Variants in PRKCZ observed in about 807,000 individuals in gnomAD.
PRKCZ encodes the protein protein kinase C zeta type.
A neutral mutation model predicts 79.5 loss-of-function variants in PRKCZ; 33 were observed. That is an observed-to-expected ratio of 0.41 (90% CI 0.31 to 0.55). The LOEUF (loss-of-function observed/expected upper bound fraction) is 0.55, where lower values mean the gene tolerates loss of function less well. Ranked by LOEUF, PRKCZ falls within the 20% of genes least tolerant of loss-of-function variation. PRKCZ has a pLI of 0.19. For synonymous variants in PRKCZ, 342 were observed against 320.9 expected, an observed-to-expected ratio of 1.07 and a Z score of -0.70; for missense variants, 578 against 813.5, an observed-to-expected ratio of 0.71 and a Z score of 3.52.
intron 4 of PRKCZ, among the ~76,000 whole-genome samples, chr1:2,123,525 C>T (rs1269940571): frequency 5.1e-4 from 2 of 3,948 alleles, no homozygotes; most frequent in South Asian, 9.4e-3. Context: ...AGGGTCGTGG[C>T]GGTGGTTAGG....
At chr1:2,148,179 CTG>C (rs996793862) in intron 7 of PRKCZ, among the ~76,000 whole-genome samples, 1 of 151,110 alleles carries the variant, frequency 6.6e-6, no homozygotes, top group Non-Finnish European at 1.5e-5. Flanking sequence ...ACCCATCTGT[CTG>C]TTGTCCACTG....
chr1:2,142,639 TG>T lies in PRKCZ; in HGVS notation c.421-1570del, dbSNP rs1312442814. 1.6e-5 allele frequency: 3 copies of T among 192,406 alleles called. No individual in the cohort carries two copies. In the Admixed American group the frequency reaches 1.7e-4, roughly 11 times the overall value. The allele number at this position is 192,406 out of a possible 1,614,324, so 11.9% of individuals were successfully genotyped here. ...TGGTGTGGCTCTGTCATGGCTGGGC[TG>T]ATGTAGGTAGCATGTGCAGAGGATG... On this transcript the variant is annotated intron_variant, in intron 5 of 17. Coordinates refer to ENST00000378567, the MANE Select transcript of PRKCZ (RefSeq NM_002744.6).
chr1:2,154,165 C>T (rs948640126), intron 9 of PRKCZ, among the ~76,000 whole-genome samples: 5 of 152,114 alleles, frequency 3.3e-5, no homozygotes, highest in African/African-American at 1.2e-4. Flanking sequence ...GAGGAGTCAC[C>T]GCCGACCCAC....
Position 2,150,753 on chromosome 1 carries a change from C to T in PRKCZ, c.688-37C>T, listed in dbSNP as rs371510322. 6.2e-5 allele frequency: 99 copies of T among 1,590,484 alleles called. No individual in the cohort carries two copies. The East Asian group carries it at 8.7e-4, about 14-fold the overall frequency. ...GGTCCTCTGAGTCTCCCGGGAACCC[C>T]CCTCTCACTTTCTGGGGTCTTGTTC... On this transcript the variant is annotated intron_variant, in intron 8 of 17. Coordinates refer to ENST00000378567, the MANE Select transcript of PRKCZ (RefSeq NM_002744.6).
chr1:2,181,915 G>T, intron 16 of PRKCZ: 2 of 455,892 alleles, frequency 4.4e-6, no homozygotes, highest in South Asian at 3.1e-5. Flanking sequence ...CACACCACAG[G>T]TGAGCCGTTC....
intron 16 of PRKCZ, chr1:2,184,331 G>T (rs1045635217): frequency 2.4e-6 from 1 of 417,560 alleles, no homozygotes; most frequent in Non-Finnish European, 4.4e-6. Flanking sequence ...GGTGGCTGGG[G>T]ATCCTGCTCC....
At chr1:2,117,909 G>A (rs981952334) in intron 4 of PRKCZ, among the ~76,000 whole-genome samples, 2 of 150,260 alleles carry the variant, frequency 1.3e-5, no homozygotes, top group South Asian at 2.1e-4. Context: ...TGATGAGTTC[G>A]CCTTTTTATA....
chr1:2,050,938 C>T, intron 1 of PRKCZ: 1 of 371,250 alleles, frequency 2.7e-6, no homozygotes, highest in Non-Finnish European at 4.8e-6. Context: ...CCCCGCGCCG[C>T]GAGCTCCTCG....
chr1:2,122,119 TCAC>T (rs1672319966), intron 4 of PRKCZ, among the ~76,000 whole-genome samples: 1 of 66,824 alleles, frequency 1.5e-5, no homozygotes, highest in Non-Finnish European at 2.6e-5. Flanking sequence ...GTGGTTAGGG[TCAC>T]GGTGGTGGTT....
At chr1:2,103,347 A>AG (rs1472040097) in intron 4 of PRKCZ, among the ~76,000 whole-genome samples, 1 of 152,192 alleles carries the variant, frequency 6.6e-6, no homozygotes, top group Non-Finnish European at 1.5e-5. Flanking sequence ...CGCAGTAGTA[A>AG]GGGTTTATTT....
intron 4 of PRKCZ, among the ~76,000 whole-genome samples, chr1:2,113,842 G>A (rs1401876200): frequency 6.6e-6 from 1 of 152,122 alleles, no homozygotes; most frequent in Non-Finnish European, 1.5e-5. Context: ...GGGAGGTCAA[G>A]GCACTGGTGT....
Position 2,144,336 on chromosome 1 carries a change from C to A in PRKCZ, c.547C>A (p.His183Asn). 6.4e-7 allele frequency: 1 copy of A among 1,572,004 alleles called. No homozygotes were observed. Among genetic ancestry groups the A allele is most frequent in the Non-Finnish European group, 8.6e-7 (1 of 1,158,190 alleles). ...HGLVPLTCRK[H>N]MDSVMPSQEP... ...CCTCGTCCCGCTGACCTGCAGGAAG[C>A]ATATGGTGAGTGGCAGGGCTGGGGA... Residue 183 changes from histidine (H) to asparagine (N), a missense_variant, in exon 6 of 18, where the codon CAT (histidine) becomes AAT (asparagine). His to Asn is a moderately conservative substitution (Grantham distance 68, BLOSUM62 1). Transcript: ENST00000378567.
intron 4 of PRKCZ, among the ~76,000 whole-genome samples, chr1:2,067,150 G>GT (rs1661186137): frequency 6.6e-6 from 1 of 152,170 alleles, no homozygotes; most frequent in Admixed American, 6.5e-5. Context: ...GATAATGTCT[G>GT]TTTTTTGAAA....
At chr1:2,176,421 C>T (rs1025753858) in intron 16 of PRKCZ, among the ~76,000 whole-genome samples, 1 of 151,934 alleles carries the variant, frequency 6.6e-6, no homozygotes, top group Non-Finnish European at 1.5e-5. Context: ...GTGTGGGAAG[C>T]GCAGTCTCCA....
At chr1:2,183,010 G>GAGCTC (rs1686925511) in intron 16 of PRKCZ, among the ~76,000 whole-genome samples, 1 of 152,186 alleles carries the variant, frequency 6.6e-6, no homozygotes. Context: ...CAGATGATCT[G>GAGCTC]AGGTCAGCAG....
At chr1:2,144,629 A>G (rs1226139489) in intron 6 of PRKCZ, 10 of 1,232,456 alleles carry the variant, frequency 8.1e-6, no homozygotes, top group Non-Finnish European at 1.0e-5. Flanking sequence ...GGTAAGGTTC[A>G]TTCATACCCC....
At chr1:2,103,017 G>T (rs562065707) in intron 4 of PRKCZ, among the ~76,000 whole-genome samples, 30 of 152,176 alleles carry the variant, frequency 2.0e-4, no homozygotes, top group African/African-American at 7.2e-4. Flanking sequence ...CTTCAGGCGC[G>T]CACCACCACG....
chr1:2,118,280 A>AGCCACCAT (rs2102796701), intron 4 of PRKCZ, among the ~76,000 whole-genome samples: 1 of 150,566 alleles, frequency 6.6e-6, no homozygotes, highest in African/African-American at 2.4e-5. Context: ...TACAGGTGTG[A>AGCCACCAT]GCCACCATGC....
At position 2,185,196 on chromosome 1, in the gene PRKCZ, G is replaced by A. The variant is rs1366851479; in HGVS notation, c.*187G>A. ...AGAACAGTCCCTCACACCTGGGCCCGGGCAGGCCAGCTTCGTGCTGGAGGA... is the reference window on the plus strand; with the variant it reads ...AGAACAGTCCCTCACACCTGGGCCCAGGCAGGCCAGCTTCGTGCTGGAGGA... On this transcript the variant is annotated 3_prime_UTR_variant, in exon 18 of 18. Coordinates refer to ENST00000378567, the MANE Select transcript of PRKCZ (RefSeq NM_002744.6). 2.0e-5 allele frequency: 14 copies of A among 707,560 alleles called. No homozygotes were observed. The highest frequency in any genetic ancestry group is 8.1e-5 in the East Asian group (3 of 37,116). 43.8% of individuals were successfully genotyped at this position (707,560 alleles called of 1,614,324 possible). A position where few individuals can be genotyped will look rare whatever the true frequency, so the allele number is the denominator to read the frequency against.
Sources: gnomAD v4.1 joint callset for allele counts (sites outside exome capture counted in the v4.1 genomes callset) on GRCh38, gnomAD v4.1.1 for gene constraint, MANE v1.5 for transcripts, NCBI Gene and HGNC (gene_info 2026-07-23, HGNC 2026-07-21) for gene names.